The following EIF4G3 variants were observed in gnomAD, a reference collection of about 807,000 sequenced individuals.
EIF4G3 encodes the protein eukaryotic translation initiation factor 4 gamma 3.
A neutral mutation model predicts 186.4 loss-of-function variants in EIF4G3; 34 were observed. That is an observed-to-expected ratio of 0.18 (90% CI 0.14 to 0.24). The LOEUF (loss-of-function observed/expected upper bound fraction) is 0.24, where lower values mean the gene tolerates loss of function less well. Ranked by LOEUF, EIF4G3 falls within the 10% of genes least tolerant of loss-of-function variation. The pLI is 1.00. For synonymous variants in EIF4G3, 673 were observed against 679.5 expected (o/e 0.99, Z 0.15); for missense variants, 1,536 against 1,948.5 (o/e 0.79, Z 3.99).
Position 20,942,243 on chromosome 1 carries a change from C to G in EIF4G3, c.911G>C (p.Gly304Ala). The G allele has an allele frequency of 1.2e-6, 2 of 1,614,076 alleles. No individual in the cohort carries two copies. Among genetic ancestry groups the G allele is most frequent in the Non-Finnish European group, 1.7e-6 (2 of 1,179,952 alleles). ...TATTGCAGTAGTTTCAGATGTCTGG[C>G]CTTCTTGTTCTTTCTTCTCTCCACT... is the stretch of plus-strand genomic sequence containing the variant. ...VLSGEKKEQE[G>A]QTSETTAIVS... The change falls in exon 14 of 37, where the codon GGC becomes GCC. Residue 304 changes from glycine (G) to alanine (A), a missense_variant. Transcript: ENST00000602326.
rs548642120 is a variant in EIF4G3 at position 20,979,148 on chromosome 1, G to T, written c.493+1186C>A. 2.0e-5 allele frequency among the ~76,000 whole-genome samples: 3 copies of T among 152,268 alleles called. No homozygotes were observed. In the East Asian group the frequency reaches 5.8e-4, roughly 29 times the overall value. On this transcript the variant is annotated intron_variant, in intron 10 of 36. Coordinates refer to ENST00000602326, the MANE Select transcript of EIF4G3 (RefSeq NM_001391906.1). The stretch of plus-strand genomic sequence containing the variant: ...TTATTATTCACCTTCCATGGAATAA[G>T]AGAAATGTAATATGAAGTAAAAATT...
At position 20,849,521 on chromosome 1, in the gene EIF4G3, T is replaced by C; in HGVS notation, c.3782A>G (p.Glu1261Gly). The change falls in exon 29 of 37, where the codon GAA becomes GGA. Residue 1261 changes from glutamate to glycine, a missense_variant. Transcript: ENST00000602326. ...RNKTRESAKP[E>G]ISAMSAHDKA... ...GTCATGAGCTGACATTGCTGAAATT[T>C]CTGGTTTTGCTATTAGTGAGGCCCC... The C allele has an allele frequency of 6.5e-7, 1 of 1,532,980 alleles. No individual in the cohort carries two copies. Among genetic ancestry groups the C allele is most frequent in the South Asian group, 1.3e-5 (1 of 75,694 alleles). 95.0% of individuals were successfully genotyped at this position (1,532,980 alleles called of 1,614,324 possible). A position where few individuals can be genotyped will look rare whatever the true frequency, so the allele number is the denominator to read the frequency against.
intron 19 of EIF4G3, among the ~76,000 whole-genome samples, chr1:20,885,040 G>T (rs969663651): frequency 6.6e-6 from 1 of 152,160 alleles, no homozygotes; most frequent in Admixed American, 6.5e-5. Context: ...TCCATGTACA[G>T]TTCACAATAG....
At chr1:20,892,512 A>G (rs1000774236) in intron 18 of EIF4G3, 6 of 845,056 alleles carry the variant, frequency 7.1e-6, no homozygotes, top group Non-Finnish European at 1.2e-5. Context: ...TGTACATGTC[A>G]TTTGTTAAAA....
intron 13 of EIF4G3, among the ~76,000 whole-genome samples, chr1:20,944,038 G>GTA (rs2154562667): frequency 6.9e-6 from 1 of 144,966 alleles, no homozygotes; most frequent in South Asian, 2.2e-4. Flanking sequence ...GTGTGTGTGT[G>GTA]TGTATGTTCG....
intron 18 of EIF4G3, among the ~76,000 whole-genome samples, chr1:20,890,638 T>C (rs1434673567): frequency 6.6e-6 from 1 of 152,138 alleles, no homozygotes; most frequent in Non-Finnish European, 1.5e-5. Flanking sequence ...GTATTTTTTG[T>C]AGGGACAGGA....
chr1:20,827,335 T>C (rs1334067103), intron 32 of EIF4G3, among the ~76,000 whole-genome samples: 1 of 152,224 alleles, frequency 6.6e-6, no homozygotes, highest in Non-Finnish European at 1.5e-5. Context: ...ATATAAATGA[T>C]ATATCCATTT....
chr1:21,086,478 G>T (rs2095983990), intron 3 of EIF4G3, among the ~76,000 whole-genome samples: 1 of 151,818 alleles, frequency 6.6e-6, no homozygotes, highest in Non-Finnish European at 1.5e-5. Flanking sequence ...CATTAACCAC[G>T]CCTCTGGATC....
intron 4 of EIF4G3, among the ~76,000 whole-genome samples, chr1:21,032,410 T>C (rs892938188): frequency 1.3e-5 from 2 of 152,218 alleles, no homozygotes; most frequent in Non-Finnish European, 2.9e-5. Context: ...TTGGGATAAA[T>C]GTGAATCAAA....
At chr1:20,950,581 A>G (rs1357622803) in intron 12 of EIF4G3, among the ~76,000 whole-genome samples, 1 of 152,180 alleles carries the variant, frequency 6.6e-6, no homozygotes, top group Non-Finnish European at 1.5e-5. Context: ...CAAGAAAACA[A>G]TATTGAAAAA....
chr1:21,095,648 C>T (rs2101611985), intron 2 of EIF4G3, among the ~76,000 whole-genome samples: 1 of 152,198 alleles, frequency 6.6e-6, no homozygotes, highest in East Asian at 1.9e-4. Flanking sequence ...AAACATTAGT[C>T]TCAAAGAGCT....
intron 24 of EIF4G3, among the ~76,000 whole-genome samples, chr1:20,858,451 G>C (rs956944488): frequency 1.3e-5 from 2 of 152,022 alleles, no homozygotes; most frequent in Non-Finnish European, 2.9e-5. Context: ...ACTTGCTTCA[G>C]GTCTTTGCTC....
At chr1:20,961,237 G>C (rs1318524298) in intron 12 of EIF4G3, among the ~76,000 whole-genome samples, 1 of 152,066 alleles carries the variant, frequency 6.6e-6, no homozygotes, top group African/African-American at 2.4e-5. Flanking sequence ...ACAAAAATTA[G>C]CTGGGCATGG....
chr1:21,133,717 T>C (rs2097193207), intron 2 of EIF4G3, among the ~76,000 whole-genome samples: 1 of 152,202 alleles, frequency 6.6e-6, no homozygotes, highest in African/African-American at 2.4e-5. Context: ...TTGAAGCTAA[T>C]AACAGCAACT....
rs10916885 is a variant in EIF4G3 at position 20,862,210 on chromosome 1, A to T, written c.3111+18T>A. 0.5 allele frequency: 644,936 copies of T among 1,288,402 alleles called. 146,261 individuals carry two copies. The highest frequency in any genetic ancestry group is 0.72 in the East Asian group (28,949 of 40,370). The allele number at this position is 1,288,402 out of a possible 1,614,324, so 79.8% of individuals were successfully genotyped here. A position where few individuals can be genotyped will look rare whatever the true frequency, so the allele number is the denominator to read the frequency against. On this transcript the variant is annotated intron_variant, in intron 23 of 36. Coordinates refer to ENST00000602326, the MANE Select transcript of EIF4G3 (RefSeq NM_001391906.1). ...AGACTGGACCAGCAGGCTTATTATT[A>T]TTTTTTTTCCCACTCACCAGCCTTA...
At chr1:21,138,921 G>C (rs2097293703) in intron 2 of EIF4G3, among the ~76,000 whole-genome samples, 1 of 152,018 alleles carries the variant, frequency 6.6e-6, no homozygotes, top group Non-Finnish European at 1.5e-5. Flanking sequence ...GTCTCACCCT[G>C]CCACCCAGGC....
At chr1:21,138,714 G>A (rs932995958) in intron 2 of EIF4G3, among the ~76,000 whole-genome samples, 1 of 152,064 alleles carries the variant, frequency 6.6e-6, no homozygotes, top group Non-Finnish European at 1.5e-5. Flanking sequence ...AGGTGGCTGA[G>A]GCAGGAGAAT....
chr1:20,822,464 C>A (rs930299599), intron 33 of EIF4G3, among the ~76,000 whole-genome samples: 2 of 149,474 alleles, frequency 1.3e-5, no homozygotes, highest in African/African-American at 4.9e-5. Flanking sequence ...TCCTGGAGAA[C>A]CAGCTTTTGA....
chr1:20,889,383 T>G (rs2085225038), intron 18 of EIF4G3, among the ~76,000 whole-genome samples: 1 of 152,254 alleles, frequency 6.6e-6, no homozygotes, highest in Middle Eastern at 3.2e-3. Flanking sequence ...TTAAAATAAG[T>G]ATAAATGGCA....
Sources: allele counts gnomAD v4.1 joint callset (sites outside exome capture counted in the v4.1 genomes callset), GRCh38; gene constraint gnomAD v4.1.1; transcripts MANE v1.5; gene names NCBI Gene and HGNC (gene_info 2026-07-23, HGNC 2026-07-21).